The following SEPTIN9 variants were observed in gnomAD, a reference collection of about 807,000 sequenced individuals.
The protein encoded by SEPTIN9 is septin 9.
A neutral mutation model predicts 56.6 loss-of-function variants in SEPTIN9; 13 were observed. That is an observed-to-expected ratio of 0.23 (90% CI 0.15 to 0.37). The LOEUF is 0.37. Ranked by LOEUF, SEPTIN9 falls within the 10% of genes least tolerant of loss-of-function variation. The pLI is 1.00. For missense variants in SEPTIN9, 650 were observed against 823.1 expected, an observed-to-expected ratio of 0.79 and a Z score of 2.57; for synonymous variants, 332 against 334.1, an observed-to-expected ratio of 0.99 and a Z score of 0.07.
chr17:77,438,484 G>A (rs913740838), intron 3 of SEPTIN9, among the ~76,000 whole-genome samples: 2 of 152,208 alleles, frequency 1.3e-5, no homozygotes, highest in Non-Finnish European at 2.9e-5. Context: ...TCACTAATCA[G>A]CTGGTCTTAA....
chr17:77,332,854 T>G (rs1347533072), intron 2 of SEPTIN9, among the ~76,000 whole-genome samples: 2 of 152,198 alleles, frequency 1.3e-5, no homozygotes, highest in African/African-American at 2.4e-5. Context: ...TTCTGTGGGT[T>G]TTTAGTCATT....
At chr17:77,339,824 T>G (rs200172620) in intron 2 of SEPTIN9, among the ~76,000 whole-genome samples, 9 of 151,542 alleles carry the variant, frequency 5.9e-5, no homozygotes, top group Middle Eastern at 3.4e-3. Flanking sequence ...TTGTTTTTTT[T>G]TTGTTGTTGT....
At chr17:77,440,148 CT>C (rs2037491357) in intron 3 of SEPTIN9, among the ~76,000 whole-genome samples, 2 of 151,876 alleles carry the variant, frequency 1.3e-5, no homozygotes, top group South Asian at 4.2e-4. Context: ...TTTCATATAC[CT>C]TTTTTTTAAA....
At chr17:77,337,140 A>G (rs1444781316) in intron 2 of SEPTIN9, among the ~76,000 whole-genome samples, 1 of 151,932 alleles carries the variant, frequency 6.6e-6, no homozygotes, top group Non-Finnish European at 1.5e-5. Context: ...AGCAGGGACT[A>G]TAGGCACATG....
rs578147177 is a variant in SEPTIN9, at chr17:77,287,858, G to T, written c.19+6304G>T. ...CTCCAGGACAGGAAACAGGAGTGGC[G>T]CAGGGAATGTAAGATGATCCCAGCT... On this transcript the variant is annotated intron_variant, in intron 1 of 11. Transcript: ENST00000427177. The T allele has an allele frequency of 2.0e-4, 202 of 1,022,614 alleles. 3 individuals are homozygous for T. In the Middle Eastern group the frequency reaches 5.1e-3, roughly 26 times the overall value. The allele number at this position is 1,022,614 out of a possible 1,614,324, so 63.3% of individuals were successfully genotyped here.
At chr17:77,409,549 C>G (rs1024832933) in intron 3 of SEPTIN9, among the ~76,000 whole-genome samples, 2 of 152,230 alleles carry the variant, frequency 1.3e-5, no homozygotes, top group Non-Finnish European at 2.9e-5. Context: ...GGCGGTTTCT[C>G]TGCTCCGCCC....
In SEPTIN9 at chr17:77,326,411, T is replaced by C. The variant is rs1012522487; in HGVS notation, c.76+19214T>C. ...AGAACCTGCGGTTCGTAGGACCAGG[T>C]CAGGAGGGCTGCCTCGGGGGGACAC... On this transcript the variant is annotated intron_variant, in intron 2 of 11. Coordinates refer to ENST00000427177, the MANE Select transcript of SEPTIN9 (RefSeq NM_001113491.2). The surrounding 1 kb of genome is among the most constrained non-coding windows in gnomAD (Gnocchi z 5.1). 3.9e-5 allele frequency among the ~76,000 whole-genome samples: 6 copies of C among 152,138 alleles called. No homozygotes were observed. The highest frequency in any genetic ancestry group is 1.4e-4 in the African/African-American group (6 of 41,496).
rs312904 is a variant in SEPTIN9 at position 77,433,711 on chromosome 17, T to G, written c.721+31008T>G. Among the ~76,000 whole-genome samples, 10,732 of 152,172 alleles carry G rather than the reference T, an allele frequency of 0.071. 1,159 individuals carry two copies. Among genetic ancestry groups the G allele is most frequent in the African/African-American group, 0.23 (9,451 of 41,482 alleles). ...ATCTGCAGAGGAAGGGAGATGGGAATGCCGGGACCTTCTCCTGCACCTCCC... is the reference window on the plus strand; with the variant it reads ...ATCTGCAGAGGAAGGGAGATGGGAAGGCCGGGACCTTCTCCTGCACCTCCC... On this transcript the variant is annotated intron_variant, in intron 3 of 11. Transcript: ENST00000427177. This position sits in a 1 kb window ranked among gnomAD's most constrained non-coding sequence, Gnocchi z 6.4.
intron 2 of SEPTIN9, among the ~76,000 whole-genome samples, chr17:77,395,917 A>C (rs1374440831): frequency 2.0e-5 from 3 of 152,234 alleles, no homozygotes; most frequent in Admixed American, 2.0e-4. Flanking sequence ...CCTCGTACGT[A>C]AATCTTTCTG....
chr17:77,478,669 G>A (rs2039323044), intron 3 of SEPTIN9, among the ~76,000 whole-genome samples: 1 of 152,120 alleles, frequency 6.6e-6, no homozygotes. Flanking sequence ...CGGGCATGGT[G>A]GCGGGTGCCT....
chr17:77,353,754 C>A (rs2034133149), intron 2 of SEPTIN9, among the ~76,000 whole-genome samples: 1 of 152,148 alleles, frequency 6.6e-6, no homozygotes, highest in Admixed American at 6.5e-5. Context: ...AGGCAGCTTC[C>A]TGTGGAAACA....
At chr17:77,288,732 G>A (rs970814978) in intron 1 of SEPTIN9, among the ~76,000 whole-genome samples, 1 of 152,160 alleles carries the variant, frequency 6.6e-6, no homozygotes, top group African/African-American at 2.4e-5. Flanking sequence ...GATTTGGAGG[G>A]TTGTCTGCAA....
At chr17:77,387,660 G>A (rs1051590481) in intron 2 of SEPTIN9, among the ~76,000 whole-genome samples, 1 of 152,150 alleles carries the variant, frequency 6.6e-6, no homozygotes, top group Admixed American at 6.5e-5. Flanking sequence ...CTGAATGGCG[G>A]CTGCTTCTGA....
Position 77,402,742 on chromosome 17 carries a change from TG to T in SEPTIN9, c.721+45del. ...CGCTAGGTCTTGGATGCTGTGGTAA[TG>T]GGGGGCCTGGTTGCTGGCTTTGCCA... On this transcript the variant is annotated intron_variant, in intron 3 of 11. Transcript: ENST00000427177. The surrounding 1 kb of genome is among the most constrained non-coding windows in gnomAD (Gnocchi z 6.6). 1.3e-6 allele frequency: 2 copies of T among 1,515,880 alleles called. No homozygotes were observed. Among genetic ancestry groups the T allele is most frequent in the African/African-American group, 1.4e-5 (1 of 71,680 alleles). The allele number at this position is 1,515,880 out of a possible 1,614,324, so 93.9% of individuals were successfully genotyped here.
rs1053300724 is a variant in SEPTIN9 at position 77,449,163 on chromosome 17, T to G, written c.722-32981T>G. On this transcript the variant is annotated intron_variant, in intron 3 of 11. Transcript: ENST00000427177. This position sits in a 1 kb window ranked among gnomAD's most constrained non-coding sequence, Gnocchi z 4.6. ...CCATGTGCCGTTTCTGCTGGAGGGT[T>G]GGACCGAGGGCCAGCCGAGAAGGCT... Among the ~76,000 whole-genome samples the G allele has an allele frequency of 2.0e-5, 3 of 152,126 alleles. No homozygotes were observed. Among genetic ancestry groups the G allele is most frequent in the Non-Finnish European group, 2.9e-5 (2 of 68,020 alleles).
At chr17:77,343,195 C>G (rs569780020) in intron 2 of SEPTIN9, among the ~76,000 whole-genome samples, 2 of 152,290 alleles carry the variant, frequency 1.3e-5, no homozygotes, top group African/African-American at 4.8e-5. Flanking sequence ...GGGGACCCAG[C>G]CTTGTGATTA....
intron 3 of SEPTIN9, among the ~76,000 whole-genome samples, chr17:77,413,856 G>T (rs2036390458): frequency 6.6e-6 from 1 of 152,012 alleles, no homozygotes; most frequent in Non-Finnish European, 1.5e-5. Flanking sequence ...ATGGGGTGGG[G>T]GTGGGGATGG....
At position 77,421,617 on chromosome 17, in the gene SEPTIN9, TTTGGGCCATTCAC is replaced by T. The variant is rs1244257810; in HGVS notation, c.721+18915_721+18927del. Among the ~76,000 whole-genome samples the T allele has an allele frequency of 6.6e-6, 1 of 152,146 alleles. No individual in the cohort carries two copies. Among genetic ancestry groups the T allele is most frequent in the Non-Finnish European group, 1.5e-5 (1 of 68,022 alleles). ...ACCCTCTGCGTGTACAGGGATGGCT[TTTGGGCCATTCAC>T]CTGAGGTTTATTGATCTTTCTCTTT... On this transcript the variant is annotated intron_variant, in intron 3 of 11. Transcript: ENST00000427177. This position sits in a 1 kb window ranked among gnomAD's most constrained non-coding sequence, Gnocchi z 4.6.
chr17:77,465,961 T>G (rs1205533192), intron 3 of SEPTIN9, among the ~76,000 whole-genome samples: 1 of 151,832 alleles, frequency 6.6e-6, no homozygotes, highest in African/African-American at 2.4e-5. Context: ...AAGACCTTCC[T>G]GGGGGAGGCT....
Sources: gnomAD v4.1 joint callset for allele counts (sites outside exome capture counted in the v4.1 genomes callset) on GRCh38, gnomAD v4.1.1 for gene constraint, Gnocchi (gnomAD v3.1) non-coding constraint, MANE v1.5 for transcripts, NCBI Gene and HGNC (gene_info 2026-07-23, HGNC 2026-07-21) for gene names.